The following RIN3 variants were observed in gnomAD, a reference collection of about 807,000 sequenced individuals.
The protein encoded by RIN3 is Ras and Rab interactor 3.
In RIN3, 54 loss-of-function variants were observed where a neutral mutation model predicts 76.3. That is an observed-to-expected ratio of 0.71 (90% confidence interval 0.57 to 0.89). The LOEUF (loss-of-function observed/expected upper bound fraction) is 0.89. RIN3 is among the 40% of genes least tolerant of loss of function. The probability of loss-of-function intolerance (pLI) is 0.00; values close to 1 mark genes in which losing one functional copy is unlikely to be tolerated. For synonymous variants in RIN3, 576 were observed against 564.0 expected (o/e 1.02, Z -0.30); for missense variants, 1,256 against 1,322.1 (o/e 0.95, Z 0.78).
At chr14:92,611,191 G>A (rs939584809) in intron 3 of RIN3, among the ~76,000 whole-genome samples, 1 of 152,070 alleles carries the variant, frequency 6.6e-6, no homozygotes, top group Non-Finnish European at 1.5e-5. Flanking sequence ...GCCAATCTTT[G>A]GCATTCCTTG....
At chr14:92,525,622 A>C (rs1595388519) in intron 1 of RIN3, among the ~76,000 whole-genome samples, 1 of 152,026 alleles carries the variant, frequency 6.6e-6, no homozygotes, top group East Asian at 1.9e-4. Flanking sequence ...AACATCTGAG[A>C]AACAGGGTGG....
At chr14:92,523,673 T>A (rs573324892) in intron 1 of RIN3, among the ~76,000 whole-genome samples, 3 of 152,314 alleles carry the variant, frequency 2.0e-5, no homozygotes, top group Non-Finnish European at 4.4e-5. Context: ...TTTTTTCATA[T>A]TAAGTGTTTA....
At chr14:92,581,384 A>G (rs1378874901) in intron 3 of RIN3, among the ~76,000 whole-genome samples, 2 of 152,186 alleles carry the variant, frequency 1.3e-5, no homozygotes, top group Non-Finnish European at 2.9e-5. Context: ...GAAACCCAAG[A>G]GCCAGCTGTG....
At position 92,654,183 on chromosome 14, in the gene RIN3, G is replaced by A. The variant is rs566530579; in HGVS notation, c.2026+1108G>A. Among the ~76,000 whole-genome samples the A allele has an allele frequency of 5.8e-4, 88 of 151,750 alleles. 1 individual carries two copies. The highest frequency in any genetic ancestry group is 9.3e-4 in the Non-Finnish European group (63 of 67,926). ...ACAAAAATTAGCCAGGTGTGGTGGC[G>A]CATGCCTATAATCCCAGCTACTCGG... On this transcript the variant is annotated intron_variant, in intron 6 of 9. Coordinates refer to ENST00000216487, the MANE Select transcript of RIN3 (RefSeq NM_024832.5).
At chr14:92,588,018 A>C (rs1033176378) in intron 3 of RIN3, among the ~76,000 whole-genome samples, 1 of 152,004 alleles carries the variant, frequency 6.6e-6, no homozygotes, top group African/African-American at 2.4e-5. Context: ...CTATGTCCTC[A>C]CTTGGCCAAA....
intron 3 of RIN3, among the ~76,000 whole-genome samples, chr14:92,585,732 G>A (rs1389092063): frequency 2.6e-5 from 4 of 152,142 alleles, no homozygotes; most frequent in African/African-American, 9.7e-5. Context: ...CTGGGCTCAA[G>A]CGATCCTCCC....
At chr14:92,674,758 G>C (rs529797228) in intron 7 of RIN3, among the ~76,000 whole-genome samples, 3 of 151,158 alleles carry the variant, frequency 2.0e-5, no homozygotes, top group Admixed American at 1.3e-4. Flanking sequence ...GTATGGCAGC[G>C]CACGCCTGTA....
intron 1 of RIN3, among the ~76,000 whole-genome samples, chr14:92,543,744 G>A (rs1344574004): frequency 6.7e-6 from 1 of 150,042 alleles, no homozygotes; most frequent in African/African-American, 2.5e-5. Flanking sequence ...CACCACACCC[G>A]GCTAATTTTT....
chr14:92,605,327 G>T (rs1885490221), intron 3 of RIN3, among the ~76,000 whole-genome samples: 1 of 152,222 alleles, frequency 6.6e-6, no homozygotes, highest in Non-Finnish European at 1.5e-5. Context: ...TCAAATGGGG[G>T]TCAGAACTGG....
At chr14:92,582,402 G>A (rs1020622517) in intron 3 of RIN3, among the ~76,000 whole-genome samples, 21 of 149,918 alleles carry the variant, frequency 1.4e-4, no homozygotes, top group East Asian at 1.4e-3. Context: ...GGTGTCATCC[G>A]TAAGTTTGTG....
rs1437595446 is a variant in RIN3, at chr14:92,528,069, TG to T, written c.44+14099del. 1.5e-4 allele frequency among the ~76,000 whole-genome samples: 4 copies of T among 27,028 alleles called. No homozygotes were observed. The South Asian group carries it at 4.2e-3, about 28-fold the overall frequency. The allele number at this position is 27,028 out of a possible 152,430, so 17.7% of individuals were successfully genotyped here. On this transcript the variant is annotated intron_variant, in intron 1 of 9. Coordinates refer to ENST00000216487, the MANE Select transcript of RIN3 (RefSeq NM_024832.5). ...GGAGGGGGGCGTGGAAGGGGGCTGC[TG>T]GGGGGTCCTGGCAAGGGCTGGTGCC...
Position 92,681,147 on chromosome 14 carries a change from C to T in RIN3, c.2468-3840C>T, listed in dbSNP as rs1888647260. Among the ~76,000 whole-genome samples, 2 of 152,218 alleles carry T rather than the reference C, an allele frequency of 1.3e-5. No individual in the cohort carries two copies. Among genetic ancestry groups the T allele is most frequent in the African/African-American group, 4.8e-5 (2 of 41,460 alleles). The stretch of plus-strand genomic sequence containing the variant: ...CTAGTCTGCCTGACAGCTGGCCATG[C>T]CGGGCTGGTGTCTTTCCAGGGGCAG... On this transcript the variant is annotated intron_variant, in intron 8 of 9. Transcript: ENST00000216487. This position sits in a 1 kb window ranked among gnomAD's most constrained non-coding sequence, Gnocchi z 4.7.
chr14:92,651,497 G>GGACCCCGCCCACA (rs1566886309), intron 5 of RIN3, 85 bp from the exon 6 acceptor site: 1 of 551,898 alleles, frequency 1.8e-6, no homozygotes, highest in Non-Finnish European at 3.2e-6. Flanking sequence ...TCCCACCCGT[G>GGACCCCGCCCACA]GACCCCGCCC....
intron 3 of RIN3, among the ~76,000 whole-genome samples, chr14:92,612,018 G>T (rs1380728583): frequency 6.6e-6 from 1 of 152,068 alleles, no homozygotes. Flanking sequence ...AGCAAATCTC[G>T]TGAGAACTCT....
intron 7 of RIN3, among the ~76,000 whole-genome samples, chr14:92,663,846 G>T (rs1224353593): frequency 6.6e-6 from 1 of 152,190 alleles, no homozygotes; most frequent in Non-Finnish European, 1.5e-5. Context: ...CAAAATGAGG[G>T]TGATACACTT....
chr14:92,583,266 G>T (rs1884625117), intron 3 of RIN3, among the ~76,000 whole-genome samples: 1 of 152,226 alleles, frequency 6.6e-6, no homozygotes, highest in Non-Finnish European at 1.5e-5. Context: ...ACCCCAAAAG[G>T]GGTAGCCAGC....
intron 3 of RIN3, among the ~76,000 whole-genome samples, chr14:92,588,734 C>T (rs1884872659): frequency 6.6e-6 from 1 of 152,184 alleles, no homozygotes; most frequent in Non-Finnish European, 1.5e-5. Flanking sequence ...AATCACCTTT[C>T]TTTCAGGTTG....
intron 1 of RIN3, among the ~76,000 whole-genome samples, chr14:92,546,028 C>T (rs971025223): frequency 4.0e-5 from 6 of 151,592 alleles, no homozygotes; most frequent in African/African-American, 1.2e-4. Flanking sequence ...CGGGTTTAAG[C>T]GATTCTCCTG....
At chr14:92,530,823 C>T (rs944484232) in intron 1 of RIN3, among the ~76,000 whole-genome samples, 2 of 152,078 alleles carry the variant, frequency 1.3e-5, no homozygotes, top group Admixed American at 6.6e-5. Flanking sequence ...CCTTCCAAGC[C>T]CCACTGAGGG....
Sources: gnomAD v4.1 joint callset for allele counts (sites outside exome capture counted in the v4.1 genomes callset) on GRCh38, gnomAD v4.1.1 for gene constraint, Gnocchi (gnomAD v3.1) non-coding constraint, MANE v1.5 for transcripts, NCBI Gene and HGNC (gene_info 2026-07-23, HGNC 2026-07-21) for gene names.